The following EPHA5 variants were observed in gnomAD, a reference collection of about 807,000 sequenced individuals.
EPHA5 encodes the protein EPH receptor A5.
In EPHA5, 60 loss-of-function variants were observed where a neutral mutation model predicts 105.0. The observed-to-expected ratio is 0.57, with a 90% CI of 0.46 to 0.71. The LOEUF (loss-of-function observed/expected upper bound fraction) is 0.71, where lower values mean the gene tolerates loss of function less well. EPHA5 is among the 30% of genes least tolerant of loss of function. EPHA5 has a pLI of 0.00. For synonymous variants in EPHA5, 513 were observed against 449.1 expected (o/e 1.14, Z -1.80); for missense variants, 1,218 against 1,274.7 (o/e 0.96, Z 0.68).
intron 5 of EPHA5, among the ~76,000 whole-genome samples, chr4:65,459,793 G>A (rs1040675515): frequency 6.6e-6 from 1 of 151,646 alleles, no homozygotes; most frequent in Non-Finnish European, 1.5e-5. Context: ...AAGCCAATGA[G>A]TCAATATGGG....
chr4:65,506,770 T>A (rs374712053), intron 3 of EPHA5, among the ~76,000 whole-genome samples: 1 of 152,188 alleles, frequency 6.6e-6, no homozygotes, highest in African/African-American at 2.4e-5. Flanking sequence ...TTCTGGATAT[T>A]AGCCCTTTGT....
intron 5 of EPHA5, among the ~76,000 whole-genome samples, chr4:65,423,758 C>T (rs896377272): frequency 6.6e-6 from 1 of 151,242 alleles, no homozygotes; most frequent in Admixed American, 6.6e-5. Flanking sequence ...TGCTCCAGTC[C>T]TAGAGTCATT....
At chr4:65,493,857 C>G (rs1463018175) in intron 4 of EPHA5, among the ~76,000 whole-genome samples, 1 of 151,738 alleles carries the variant, frequency 6.6e-6, no homozygotes, top group South Asian at 2.1e-4. Flanking sequence ...AATGGGTAGA[C>G]CACTTAAAGA....
intron 16 of EPHA5, among the ~76,000 whole-genome samples, chr4:65,324,719 A>G (rs1454047861): frequency 6.8e-6 from 1 of 146,748 alleles, no homozygotes; most frequent in Non-Finnish European, 1.5e-5. Flanking sequence ...TCACCACTAC[A>G]TTGCTTTTAT....
intron 3 of EPHA5, among the ~76,000 whole-genome samples, chr4:65,512,968 T>A (rs1339245409): frequency 6.6e-6 from 1 of 152,166 alleles, no homozygotes; most frequent in Admixed American, 6.6e-5. Flanking sequence ...ATGGCTTTAC[T>A]AGAATTGAAA....
intron 5 of EPHA5, among the ~76,000 whole-genome samples, chr4:65,425,870 C>T (rs1724389365): frequency 6.6e-6 from 1 of 152,068 alleles, no homozygotes; most frequent in Non-Finnish European, 1.5e-5. Flanking sequence ...TTTGTTCATT[C>T]ATGCCATAAT....
chr4:65,468,763 G>A (rs1366104815), intron 5 of EPHA5, among the ~76,000 whole-genome samples: 1 of 149,192 alleles, frequency 6.7e-6, no homozygotes, highest in Non-Finnish European at 1.5e-5. Context: ...GACAGCTTAA[G>A]TACTAATAGA....
Position 65,549,110 on chromosome 4 carries a change from G to A in EPHA5, c.910+52531C>T, listed in dbSNP as rs75323659. On this transcript the variant is annotated intron_variant, in intron 3 of 16. Transcript: ENST00000613740. ...CAGTAAAAGTGCACAAAACCAAAGA[G>A]CAACATAAATGCAAACATCAGGAAG... Among the ~76,000 whole-genome samples the A allele has an allele frequency of 6.2e-3, 947 of 152,180 alleles. 10 individuals are homozygous for A. Among genetic ancestry groups the A allele is most frequent in the African/African-American group, 0.022 (893 of 41,530 alleles).
chr4:65,332,677 C>T (rs1720751544), intron 15 of EPHA5, among the ~76,000 whole-genome samples: 1 of 151,588 alleles, frequency 6.6e-6, no homozygotes, highest in Non-Finnish European at 1.5e-5. Context: ...GATCTCTGCA[C>T]CTTCCACTCA....
chr4:65,465,280 C>G (rs972494023), intron 5 of EPHA5, among the ~76,000 whole-genome samples: 1 of 151,420 alleles, frequency 6.6e-6, no homozygotes, highest in African/African-American at 2.4e-5. Flanking sequence ...ACTAACAATA[C>G]AAAAAATTAG....
chr4:65,571,742 G>A (rs1015905045), intron 3 of EPHA5, among the ~76,000 whole-genome samples: 1 of 151,790 alleles, frequency 6.6e-6, no homozygotes, highest in Non-Finnish European at 1.5e-5. Context: ...TGTTTTTGTG[G>A]GTTTTTATTT....
chr4:65,621,255 G>A (rs1745680954), intron 2 of EPHA5, among the ~76,000 whole-genome samples: 1 of 152,148 alleles, frequency 6.6e-6, no homozygotes, highest in African/African-American at 2.4e-5. Flanking sequence ...ACATATGCCT[G>A]TTTTGACAAT....
intron 2 of EPHA5, among the ~76,000 whole-genome samples, chr4:65,610,630 A>T (rs1265968626): frequency 6.6e-6 from 1 of 152,204 alleles, no homozygotes; most frequent in African/African-American, 2.4e-5. Context: ...TCAGTCAATA[A>T]TAATTTTAAA....
chr4:65,321,400 T>C lies in EPHA5; in HGVS notation c.*2714A>G, dbSNP rs147062149. 8.7e-6 allele frequency: 2 copies of C among 230,438 alleles called. No individual in the cohort carries two copies. The highest frequency in any genetic ancestry group is 4.4e-5 in the African/African-American group (2 of 45,262). The allele number at this position is 230,438 out of a possible 1,614,324, so 14.3% of individuals were successfully genotyped here. ...AGAGTTGGCTCCTCTCCTTGTTCCA[T>C]TTCTCACACTTGCAGATGAGATTGG... On this transcript the variant is annotated 3_prime_UTR_variant, in exon 17 of 17. Coordinates refer to ENST00000613740, the MANE Select transcript of EPHA5 (RefSeq NM_001281766.3).
intron 1 of EPHA5, among the ~76,000 whole-genome samples, chr4:65,656,859 A>C (rs1054823820): frequency 6.6e-6 from 1 of 151,222 alleles, no homozygotes; most frequent in Non-Finnish European, 1.5e-5. Context: ...AATTTAATTC[A>C]AAGAACTTTT....
intron 7 of EPHA5, among the ~76,000 whole-genome samples, chr4:65,405,199 T>A (rs1722244302): frequency 6.6e-6 from 1 of 152,184 alleles, no homozygotes; most frequent in Non-Finnish European, 1.5e-5. Context: ...ATAAGAGGAA[T>A]ATGAACATGA....
intron 2 of EPHA5, among the ~76,000 whole-genome samples, chr4:65,613,874 C>T (rs2149463382): frequency 6.6e-6 from 1 of 151,938 alleles, no homozygotes; most frequent in East Asian, 1.9e-4. Flanking sequence ...CAACATTAGA[C>T]CATAGAAGTT....
intron 5 of EPHA5, among the ~76,000 whole-genome samples, chr4:65,484,427 G>C (rs1341533009): frequency 6.6e-6 from 1 of 152,096 alleles, no homozygotes; most frequent in Non-Finnish European, 1.5e-5. Context: ...ACCCATGAAA[G>C]TATAGGTAAC....
chr4:65,594,625 A>G (rs1465268202), intron 3 of EPHA5, among the ~76,000 whole-genome samples: 1 of 152,214 alleles, frequency 6.6e-6, no homozygotes, highest in Non-Finnish European at 1.5e-5. Context: ...TTGACCAGAA[A>G]GAAATCACGA....
Sources: allele counts gnomAD v4.1 joint callset (sites outside exome capture counted in the v4.1 genomes callset), GRCh38; gene constraint gnomAD v4.1.1; transcripts MANE v1.5; gene names NCBI Gene and HGNC (gene_info 2026-07-23, HGNC 2026-07-21).